Variants in SLC4A10 observed in about 807,000 individuals in gnomAD.
SLC4A10 encodes solute carrier family 4 member 10.
SLC4A10 carries 42 observed loss-of-function variants against 137.7 expected under a neutral mutation model. The ratio of observed to expected loss-of-function variants is 0.30; its 90% CI spans 0.24 to 0.39. The LOEUF (loss-of-function observed/expected upper bound fraction) is 0.39, where lower values mean the gene tolerates loss of function less well. Ranked by LOEUF, SLC4A10 falls within the 10% of genes least tolerant of loss-of-function variation. The probability of loss-of-function intolerance (pLI) is 1.00; values close to 1 mark genes in which losing one functional copy is unlikely to be tolerated. For synonymous variants in SLC4A10, 474 were observed against 464.1 expected (o/e 1.02, Z -0.27); for missense variants, 925 against 1,355.0 (o/e 0.68, Z 4.98).
intron 2 of SLC4A10, among the ~76,000 whole-genome samples, chr2:161,777,567 G>T (rs567774187): frequency 6.6e-6 from 1 of 152,108 alleles, no homozygotes; most frequent in East Asian, 1.9e-4. Context: ...GGCTGGGAAG[G>T]CCTCACAATC....
chr2:161,983,517 G>A lies in SLC4A10; in HGVS notation c.*365G>A, dbSNP rs1042551345. Reference sequence around the variant, plus strand: ...GATTCTGATTGTCAGTTTTATGAGAGCAATAGCTTCCTTAAAGAGATAAGT... The same window carrying A: ...GATTCTGATTGTCAGTTTTATGAGAACAATAGCTTCCTTAAAGAGATAAGT... On this transcript the variant is annotated 3_prime_UTR_variant, in exon 27 of 27. Transcript: ENST00000446997. The A allele has an allele frequency of 5.6e-6, 2 of 358,336 alleles. No individual in the cohort carries two copies. The highest frequency in any genetic ancestry group is 4.2e-5 in the African/African-American group (2 of 47,274). 22.2% of individuals were successfully genotyped at this position (358,336 alleles called of 1,614,324 possible).
chr2:161,898,232 A>C (rs2063721288), intron 11 of SLC4A10, among the ~76,000 whole-genome samples: 1 of 152,112 alleles, frequency 6.6e-6, no homozygotes, highest in African/African-American at 2.4e-5. Context: ...TAATCAAGCC[A>C]CTAGTAAGCA....
intron 1 of SLC4A10, among the ~76,000 whole-genome samples, chr2:161,734,858 A>G (rs147787368): frequency 2.2e-3 from 338 of 151,890 alleles, no homozygotes; most frequent in Non-Finnish European, 3.8e-3. Flanking sequence ...CAGGGGAGGG[A>G]CCTGGTAAGA....
intron 3 of SLC4A10, among the ~76,000 whole-genome samples, chr2:161,817,363 G>A (rs569409812): frequency 6.6e-6 from 1 of 152,240 alleles, no homozygotes; most frequent in Admixed American, 6.5e-5. Flanking sequence ...TAAGTTCATT[G>A]TAGATTCTGG....
At chr2:161,762,959 G>T (rs1014020504) in intron 1 of SLC4A10, among the ~76,000 whole-genome samples, 1 of 151,958 alleles carries the variant, frequency 6.6e-6, no homozygotes, top group Non-Finnish European at 1.5e-5. Flanking sequence ...TTATATTAAT[G>T]AAGATACTAA....
chr2:161,685,182 G>T (rs542528222), intron 1 of SLC4A10, among the ~76,000 whole-genome samples: 1 of 152,194 alleles, frequency 6.6e-6, no homozygotes, highest in African/African-American at 2.4e-5. Flanking sequence ...TACTGGATAG[G>T]CCAGTTAAAA....
intron 1 of SLC4A10, among the ~76,000 whole-genome samples, chr2:161,634,721 ATCCTTC>A (rs1558909380): frequency 6.6e-6 from 1 of 151,952 alleles, no homozygotes; most frequent in African/African-American, 2.4e-5. Context: ...AACATTCAAA[ATCCTTC>A]TTTTTAGCTA....
At chr2:161,838,182 C>T (rs1006424218) in intron 3 of SLC4A10, among the ~76,000 whole-genome samples, 4 of 151,964 alleles carry the variant, frequency 2.6e-5, no homozygotes, top group Admixed American at 6.5e-5. Context: ...TTTTTGAAAA[C>T]GGCACAAACC....
intron 1 of SLC4A10, among the ~76,000 whole-genome samples, chr2:161,770,576 T>C (rs1180674418): frequency 6.6e-6 from 1 of 151,916 alleles, no homozygotes; most frequent in African/African-American, 2.4e-5. Flanking sequence ...ATAGCATTAG[T>C]GGTGTTAATA....
At chr2:161,727,372 C>T (rs2046340698) in intron 1 of SLC4A10, among the ~76,000 whole-genome samples, 1 of 152,186 alleles carries the variant, frequency 6.6e-6, no homozygotes. Flanking sequence ...TCCACATTCT[C>T]AGGGCTTCTT....
At chr2:161,803,526 A>C (rs1390762230) in intron 2 of SLC4A10, among the ~76,000 whole-genome samples, 1 of 152,086 alleles carries the variant, frequency 6.6e-6, no homozygotes, top group East Asian at 1.9e-4. Flanking sequence ...TCATCCCTAT[A>C]CCTTCTCCCT....
chr2:161,696,133 A>AT (rs1289382345), intron 1 of SLC4A10, among the ~76,000 whole-genome samples: 1 of 151,334 alleles, frequency 6.6e-6, no homozygotes, highest in African/African-American at 2.4e-5. Flanking sequence ...TCATTGTTCA[A>AT]TTCCCACCTA....
chr2:161,930,179 G>T (rs777913185), intron 15 of SLC4A10, among the ~76,000 whole-genome samples: 34 of 152,120 alleles, frequency 2.2e-4, no homozygotes, highest in Non-Finnish European at 7.4e-5. Flanking sequence ...AGCTTCGTTT[G>T]TTTAACCTAC....
At chr2:161,741,849 C>T (rs1172030163) in intron 1 of SLC4A10, among the ~76,000 whole-genome samples, 1 of 152,148 alleles carries the variant, frequency 6.6e-6, no homozygotes, top group Non-Finnish European at 1.5e-5. Flanking sequence ...TCTCATTATT[C>T]TAAAACGCAC....
intron 10 of SLC4A10, among the ~76,000 whole-genome samples, chr2:161,886,532 T>C (rs1346993784): frequency 3.3e-5 from 5 of 152,174 alleles, no homozygotes; most frequent in African/African-American, 1.2e-4. Context: ...CTTAAACTGC[T>C]CTCAATAAAA....
chr2:161,873,869 C>T (rs1371060555), intron 7 of SLC4A10, 47 bp from the exon 8 acceptor site: 4 of 1,551,008 alleles, frequency 2.6e-6, no homozygotes, highest in South Asian at 1.2e-5. Context: ...GCGGAGTCTC[C>T]GTGGGAGCAT....
intron 3 of SLC4A10, among the ~76,000 whole-genome samples, chr2:161,822,981 T>A (rs573015652): frequency 2.0e-5 from 3 of 152,062 alleles, no homozygotes. Flanking sequence ...TCAAAAAAAA[T>A]TATGTGTATA....
intron 1 of SLC4A10, among the ~76,000 whole-genome samples, chr2:161,707,464 T>C: frequency 7.1e-6 from 1 of 140,546 alleles, no homozygotes; most frequent in East Asian, 2.1e-4. Flanking sequence ...AATCTTAGTC[T>C]TTTTTTTTTT....
intron 3 of SLC4A10, among the ~76,000 whole-genome samples, chr2:161,827,217 G>C (rs1411454083): frequency 6.6e-6 from 1 of 152,034 alleles, no homozygotes; most frequent in Non-Finnish European, 1.5e-5. Flanking sequence ...TTCATTTTGA[G>C]TCATCATCAT....
Sources: allele counts gnomAD v4.1 joint callset (sites outside exome capture counted in the v4.1 genomes callset), GRCh38; gene constraint gnomAD v4.1.1; transcripts MANE v1.5; gene names NCBI Gene and HGNC (gene_info 2026-07-23, HGNC 2026-07-21).